The following INPP4B variants were observed in gnomAD, a reference collection of about 807,000 sequenced individuals.
INPP4B encodes the protein inositol polyphosphate 4-phosphatase type II.
In INPP4B, 55 loss-of-function variants were observed where a neutral mutation model predicts 122.5. The observed-to-expected ratio is 0.45, with a 90% CI of 0.36 to 0.56. The LOEUF (loss-of-function observed/expected upper bound fraction) is 0.56. Ranked by LOEUF, INPP4B falls within the 20% of genes least tolerant of loss-of-function variation. The pLI, the probability that INPP4B is intolerant of heterozygous loss-of-function variation, is 0.00. For synonymous variants in INPP4B, 403 were observed against 388.7 expected (o/e 1.04, Z -0.43); for missense variants, 1,000 against 1,097.7 (o/e 0.91, Z 1.26).
chr4:142,219,008 G>T (rs1459330045), intron 12 of INPP4B, among the ~76,000 whole-genome samples: 2 of 152,050 alleles, frequency 1.3e-5, no homozygotes, highest in East Asian at 3.9e-4. Flanking sequence ...ACCCACACAT[G>T]GATAAAAATT....
intron 1 of INPP4B, among the ~76,000 whole-genome samples, chr4:142,817,847 T>C (rs565608380): frequency 6.6e-6 from 1 of 152,274 alleles, no homozygotes; most frequent in African/African-American, 2.4e-5. Flanking sequence ...AACTGCTATA[T>C]ATTGACGTTA....
intron 1 of INPP4B, among the ~76,000 whole-genome samples, chr4:142,840,327 A>G (rs1347789907): frequency 6.6e-6 from 1 of 152,204 alleles, no homozygotes; most frequent in Admixed American, 6.5e-5. Context: ...TGCTCAGCAG[A>G]TGCTGTGAGG....
intron 2 of INPP4B, among the ~76,000 whole-genome samples, chr4:142,643,589 C>G (rs923187211): frequency 4.6e-5 from 7 of 152,052 alleles, no homozygotes; most frequent in Admixed American, 6.6e-5. Flanking sequence ...CTATATTTTG[C>G]TATATTTCAA....
At chr4:142,671,325 CACA>C (rs1185389762) in intron 2 of INPP4B, among the ~76,000 whole-genome samples, 3 of 152,144 alleles carry the variant, frequency 2.0e-5, no homozygotes, top group Non-Finnish European at 2.9e-5. Context: ...ACCTTTTCAG[CACA>C]ACATCATATG....
chr4:142,039,198 G>C (rs1056778198), intron 25 of INPP4B, among the ~76,000 whole-genome samples: 10 of 152,096 alleles, frequency 6.6e-5, no homozygotes, highest in East Asian at 1.9e-4. Context: ...TAGAATACTT[G>C]ACTGTTCAAT....
chr4:142,037,248 C>G (rs1351101957), intron 25 of INPP4B, among the ~76,000 whole-genome samples: 1 of 152,142 alleles, frequency 6.6e-6, no homozygotes, highest in Non-Finnish European at 1.5e-5. Context: ...CACTTTTAAA[C>G]ACATCACTGC....
intron 1 of INPP4B, among the ~76,000 whole-genome samples, chr4:142,825,164 G>T (rs57770652): frequency 0.021 from 3,217 of 152,038 alleles, 108 homozygotes; most frequent in African/African-American, 0.073. Context: ...TATTTTCTTC[G>T]CTTTGACTTC....
intron 10 of INPP4B, among the ~76,000 whole-genome samples, chr4:142,262,158 C>G (rs1254459536): frequency 6.6e-6 from 1 of 152,118 alleles, no homozygotes; most frequent in Non-Finnish European, 1.5e-5. Context: ...AATTTTTCAT[C>G]AACGTTATAT....
At chr4:142,650,106 C>T (rs1752624842) in intron 2 of INPP4B, among the ~76,000 whole-genome samples, 1 of 151,884 alleles carries the variant, frequency 6.6e-6, no homozygotes, top group African/African-American at 2.4e-5. Context: ...ATTTCACATC[C>T]AGCCAAACTA....
At chr4:142,693,619 G>C (rs949444965) in intron 2 of INPP4B, among the ~76,000 whole-genome samples, 1 of 146,216 alleles carries the variant, frequency 6.8e-6, no homozygotes, top group Non-Finnish European at 1.5e-5. Flanking sequence ...AAATTTATAA[G>C]CTATACCTTT....
intron 7 of INPP4B, among the ~76,000 whole-genome samples, chr4:142,336,942 A>G (rs1203189493): frequency 6.6e-6 from 1 of 152,240 alleles, no homozygotes; most frequent in African/African-American, 2.4e-5. Flanking sequence ...ATTCTCCACT[A>G]GAGACAATCA....
chr4:142,779,894 T>C (rs1302895626), intron 1 of INPP4B, among the ~76,000 whole-genome samples: 1 of 152,026 alleles, frequency 6.6e-6, no homozygotes, highest in East Asian at 1.9e-4. Context: ...ACCTGTGTGG[T>C]TGAAGAGAGT....
intron 1 of INPP4B, among the ~76,000 whole-genome samples, chr4:142,792,326 A>C (rs1400770328): frequency 2.0e-5 from 3 of 152,082 alleles, no homozygotes; most frequent in African/African-American, 7.2e-5. Flanking sequence ...AGAAAATGTA[A>C]AAGAGAAAAA....
chr4:142,207,980 T>A (rs1843257276), intron 14 of INPP4B, among the ~76,000 whole-genome samples: 1 of 152,026 alleles, frequency 6.6e-6, no homozygotes, highest in Admixed American at 6.6e-5. Flanking sequence ...TATACTCACT[T>A]TTTCCCATAA....
intron 16 of INPP4B, among the ~76,000 whole-genome samples, chr4:142,166,338 T>C (rs1822690799): frequency 6.6e-6 from 1 of 151,808 alleles, no homozygotes; most frequent in South Asian, 2.1e-4. Flanking sequence ...GCTAGCCATA[T>C]GCAGAAAATT....
intron 1 of INPP4B, among the ~76,000 whole-genome samples, chr4:142,820,831 C>T (rs79832622): frequency 0.034 from 5,160 of 152,144 alleles, 95 homozygotes; most frequent in Non-Finnish European, 0.041. Context: ...AGTTGGCTTG[C>T]TTTTCTTGTT....
intron 7 of INPP4B, among the ~76,000 whole-genome samples, chr4:142,398,081 A>G (rs1054264861): frequency 1.3e-5 from 2 of 151,628 alleles, no homozygotes; most frequent in African/African-American, 4.8e-5. Flanking sequence ...GAGATTAAAA[A>G]AAACATATAA....
rs1348021562 is a variant in INPP4B at position 142,029,672 on chromosome 4, T to TA, written c.2643-759dup. ...ATTGCAGCAAAGAAGTAAAACAGGT[T>TA]AAAAAAAATTTCTATCAGCAGATGG... On this transcript the variant is annotated intron_variant, in intron 25 of 25. Coordinates refer to ENST00000262992, the MANE Select transcript of INPP4B (RefSeq NM_001101669.3). 11 of 985,512 alleles carry TA rather than the reference T, an allele frequency of 1.1e-5. No homozygotes were observed. In the South Asian group the frequency reaches 2.3e-4, roughly 21 times the overall value. 61.0% of individuals were successfully genotyped at this position (985,512 alleles called of 1,614,324 possible).
intron 2 of INPP4B, among the ~76,000 whole-genome samples, chr4:142,598,661 T>C (rs1739225355): frequency 6.6e-6 from 1 of 152,042 alleles, no homozygotes; most frequent in Admixed American, 6.5e-5. Context: ...CCAAAGCACA[T>C]GTTTCTAGAG....
Sources: allele counts gnomAD v4.1 joint callset (sites outside exome capture counted in the v4.1 genomes callset), GRCh38; gene constraint gnomAD v4.1.1; transcripts MANE v1.5; gene names NCBI Gene and HGNC (gene_info 2026-07-23, HGNC 2026-07-21).